Variants in EHMT2 observed in about 807,000 individuals in gnomAD.
The protein encoded by EHMT2 is euchromatic histone lysine methyltransferase 2, also known as histone-lysine N-methyltransferase EHMT2.
EHMT2 carries 59 observed loss-of-function variants against 143.3 expected under a neutral mutation model. The ratio of observed to expected loss-of-function variants is 0.41; its 90% confidence interval spans 0.33 to 0.51. EHMT2 has a LOEUF of 0.51. Ranked by LOEUF, EHMT2 falls within the 20% of genes least tolerant of loss-of-function variation. The probability of loss-of-function intolerance (pLI) is 0.18; values close to 1 mark genes in which losing one functional copy is unlikely to be tolerated. For missense variants in EHMT2, 1,174 were observed against 1,645.9 expected (o/e 0.71, Z 4.96); for synonymous variants, 604 against 651.5 (o/e 0.93, Z 1.11).
At chr6:31,886,672 C>T (rs1317405830) in exon 18 of EHMT2, 1 of 1,613,972 alleles carries the variant, frequency 6.2e-7, no homozygotes, top group South Asian at 1.1e-5. Flanking sequence ...GCAGGTGGAA[C>T]CGTCCTCCTC....
At position 31,880,527 on chromosome 6, in the gene EHMT2, C is replaced by T; in HGVS notation, c.3452+146G>A. The T allele has an allele frequency of 1.0e-6, 1 of 967,654 alleles. No individual in the cohort carries two copies. The highest frequency in any genetic ancestry group is 1.5e-6 in the Non-Finnish European group (1 of 664,672). 59.9% of individuals were successfully genotyped at this position (967,654 alleles called of 1,614,324 possible). A position where few individuals can be genotyped will look rare whatever the true frequency, so the allele number is the denominator to read the frequency against. On this transcript the variant is annotated intron_variant, in intron 27 of 27. Transcript: ENST00000375537. This position sits in a 1 kb window ranked among gnomAD's most constrained non-coding sequence, Gnocchi z 6.6. ...AGGCACAGGACTGTTTCCCCAAGTC[C>T]TCCAGGAAATACTTATGTACACTGA...
intron 4 of EHMT2, chr6:31,893,339 G>A (rs1223248139): frequency 2.3e-6 from 1 of 444,374 alleles, no homozygotes; most frequent in Non-Finnish European, 4.5e-6. Context: ...CTTTTTTTAA[G>A]AGATAAGGTC....
At chr6:31,886,432 G>T in intron 18 of EHMT2, 149 bp downstream of exon 18, 1 of 635,504 alleles carries the variant, frequency 1.6e-6, no homozygotes, top group East Asian at 2.7e-5. Context: ...AAAGAATGAA[G>T]AGAAATACAA....
chr6:31,884,866 G>A lies in EHMT2; in HGVS notation c.2448+46C>T, dbSNP rs1290835430. The A allele has an allele frequency of 1.9e-6, 3 of 1,584,138 alleles. No individual in the cohort carries two copies. The African/African-American group carries it at 4.0e-5, about 21-fold the overall frequency. Reference sequence around the variant, plus strand: ...GGCCCTTGAATCCAGCCTCCACCTTGCTCAGGGGCCTGGGGCTGCCCTACC... The same window carrying A: ...GGCCCTTGAATCCAGCCTCCACCTTACTCAGGGGCCTGGGGCTGCCCTACC... On this transcript the variant is annotated intron_variant, in intron 19 of 27. Coordinates refer to ENST00000375537, the Ensembl canonical transcript of EHMT2. This position sits in a 1 kb window ranked among gnomAD's most constrained non-coding sequence, Gnocchi z 7.3.
rs749552988 is a variant in EHMT2 at position 31,888,043 on chromosome 6, G to A, written c.1743C>T (p.Pro581=). ...GTACAGAAGGGGGAGGCCAGTACCT[G>A]GGCTGAGAAGTGTCTGCTCTCCCGG... Residue 581 remains proline, a splice_region_variant and synonymous_variant, in exon 13 of 28, where the codon CCC becomes CCT. Coordinates refer to ENST00000375537, the Ensembl canonical transcript of EHMT2. The surrounding 1 kb of genome is among the most constrained non-coding windows in gnomAD (Gnocchi z 7.4). 1 of 1,580,492 alleles carries A rather than the reference G, an allele frequency of 6.3e-7. No homozygotes were observed. The highest frequency in any genetic ancestry group is 8.6e-7 in the Non-Finnish European group (1 of 1,163,890).
At position 31,880,533 on chromosome 6, in the gene EHMT2, G is replaced by A. The variant is rs1358770858; in HGVS notation, c.3452+140C>T. ...AGGACTGTTTCCCCAAGTCCTCCAG[G>A]AAATACTTATGTACACTGAAATCTG... On this transcript the variant is annotated intron_variant, in intron 27 of 27. Coordinates refer to ENST00000375537, the Ensembl canonical transcript of EHMT2. This position sits in a 1 kb window ranked among gnomAD's most constrained non-coding sequence, Gnocchi z 6.6. 11 of 994,314 alleles carry A rather than the reference G, an allele frequency of 1.1e-5. No homozygotes were observed. The highest frequency in any genetic ancestry group is 1.6e-5 in the Non-Finnish European group (11 of 686,780). 61.6% of individuals were successfully genotyped at this position (994,314 alleles called of 1,614,324 possible).
chr6:31,892,620 T>A, intron 6 of EHMT2, 58 bp from the exon 7 acceptor site: 1 of 1,612,248 alleles, frequency 6.2e-7, no homozygotes. Flanking sequence ...CTACTGAGGA[T>A]GGGATGCAGC....
Position 31,894,553 on chromosome 6 carries a change from A to G in EHMT2, c.583-1643T>C, listed in dbSNP as rs191375257. ...CCGCCTCGGCCTCCAAAGTGCTGAG[A>G]TTACAGGCGTGAGCCACTGCGCCTG... On this transcript the variant is annotated intron_variant, in intron 4 of 27. Coordinates refer to ENST00000375537, the Ensembl canonical transcript of EHMT2. Among the ~76,000 whole-genome samples, 448 of 152,292 alleles carry G rather than the reference A, an allele frequency of 2.9e-3. 3 individuals are homozygous for G. The highest frequency in any genetic ancestry group is 0.01 in the African/African-American group (420 of 41,562).
intron 25 of EHMT2, 152 bp downstream of exon 25, chr6:31,882,547 T>C (rs1231088748): frequency 5.2e-6 from 4 of 764,050 alleles, no homozygotes; most frequent in Non-Finnish European, 8.8e-6. Flanking sequence ...GCTGCTCAGC[T>C]GCAGGAATAG....
exon 3 of EHMT2, chr6:31,896,668 A>G: frequency 2.5e-6 from 4 of 1,603,848 alleles, no homozygotes; most frequent in African/African-American, 1.3e-5. Context: ...TTCATCCCCA[A>G]TGAGTGGTGT....
chr6:31,887,532 C>T (rs1464930819), intron 15 of EHMT2, 45 bp downstream of exon 15: 2 of 1,569,138 alleles, frequency 1.3e-6, no homozygotes, highest in Middle Eastern at 1.7e-4. Flanking sequence ...CTGGTATATA[C>T]ATGAAGCTTG....
chr6:31,884,128 T>C lies in EHMT2; in HGVS notation c.2772-178A>G, dbSNP rs896930186. On this transcript the variant is annotated intron_variant, in intron 21 of 27. Transcript: ENST00000375537. The surrounding 1 kb of genome is among the most constrained non-coding windows in gnomAD (Gnocchi z 7.3). ...TTTAGATAAACAAGAAATAGCTTTT[T>C]AGTATGTCCCAAAAATTACACAGGA... 3 of 762,774 alleles carry C rather than the reference T, an allele frequency of 3.9e-6. No homozygotes were observed. Among genetic ancestry groups the C allele is most frequent in the Non-Finnish European group, 6.1e-6 (3 of 489,348 alleles). 47.3% of individuals were successfully genotyped at this position (762,774 alleles called of 1,614,324 possible).
chr6:31,881,192 G>T lies in EHMT2; in HGVS notation c.3198-100C>A. 9.7e-7 allele frequency: 1 copy of T among 1,026,652 alleles called. No homozygotes were observed. The highest frequency in any genetic ancestry group is 1.5e-6 in the Non-Finnish European group (1 of 657,702). The allele number at this position is 1,026,652 out of a possible 1,614,324, so 63.6% of individuals were successfully genotyped here. On this transcript the variant is annotated intron_variant, in intron 25 of 27. Coordinates refer to ENST00000375537, the Ensembl canonical transcript of EHMT2. The surrounding 1 kb of genome is among the most constrained non-coding windows in gnomAD (Gnocchi z 4.8). ...CACAAGCCTGTGGAATCTGGAATGG[G>T]CAGGGCTGGCAGGTGTGGGGAAGGG...
rs926741046 is a variant in EHMT2 at position 31,884,118 on chromosome 6, A to T, written c.2772-168T>A. 2 of 818,302 alleles carry T rather than the reference A, an allele frequency of 2.4e-6. No individual in the cohort carries two copies. Among genetic ancestry groups the T allele is most frequent in the African/African-American group, 3.5e-5 (2 of 57,792 alleles). The allele number at this position is 818,302 out of a possible 1,614,324, so 50.7% of individuals were successfully genotyped here. A position where few individuals can be genotyped will look rare whatever the true frequency, so the allele number is the denominator to read the frequency against. ...AACATAGAATTTTAGATAAACAAGA[A>T]ATAGCTTTTTAGTATGTCCCAAAAA... On this transcript the variant is annotated intron_variant, in intron 21 of 27. Transcript: ENST00000375537. This position sits in a 1 kb window ranked among gnomAD's most constrained non-coding sequence, Gnocchi z 7.3.
chr6:31,888,314 C>A lies in EHMT2; in HGVS notation c.1510-38G>T, dbSNP rs368474169. 12 of 1,611,230 alleles carry A rather than the reference C, an allele frequency of 7.4e-6. No individual in the cohort carries two copies. The highest frequency in any genetic ancestry group is 8.5e-6 in the Non-Finnish European group (10 of 1,178,922). ...AAACGACATGGTCAGGTTACTGGGG[C>A]CCCCTCTGCCACAGGGCATGCTACC... is the stretch of plus-strand genomic sequence containing the variant. On this transcript the variant is annotated intron_variant, in intron 12 of 27. Coordinates refer to ENST00000375537, the Ensembl canonical transcript of EHMT2. This position sits in a 1 kb window ranked among gnomAD's most constrained non-coding sequence, Gnocchi z 7.4.
rs1488623095 is a variant in EHMT2, at chr6:31,881,152, G to C, written c.3198-60C>G. 1 of 1,431,176 alleles carries C rather than the reference G, an allele frequency of 7.0e-7. No individual in the cohort carries two copies. The highest frequency in any genetic ancestry group is 1.4e-5 in the African/African-American group (1 of 71,298). The allele number at this position is 1,431,176 out of a possible 1,614,324, so 88.7% of individuals were successfully genotyped here. ...TGTGGGCTATTAGGAGGTGGCTCCA[G>C]GCCCCATCTCTCTTCACAAGCCTGT... On this transcript the variant is annotated intron_variant, in intron 25 of 27. Transcript: ENST00000375537. The surrounding 1 kb of genome is among the most constrained non-coding windows in gnomAD (Gnocchi z 4.8).
At position 31,889,520 on chromosome 6, in the gene EHMT2, T is replaced by A; in HGVS notation, c.947A>T (p.Glu316Val). 10 of 1,612,130 alleles carry A rather than the reference T, an allele frequency of 6.2e-6. No homozygotes were observed. Among genetic ancestry groups the A allele is most frequent in the Non-Finnish European group, 8.5e-6 (10 of 1,179,686 alleles). Residue 316 changes from glutamate (E) to valine (V), a missense_variant, in exon 8 of 28, where the codon GAG becomes GTG. Coordinates refer to ENST00000375537, the Ensembl canonical transcript of EHMT2. This position sits in a 1 kb window ranked among gnomAD's most constrained non-coding sequence, Gnocchi z 5.1. ...ATCTTCCTCTTCTTCTTCCTCTTCC[T>A]CCTCCTCTTCCTCTTCTTCTTCTTC...
Position 31,886,690 on chromosome 6 carries a change from A to T in EHMT2, c.2242-8T>A. On this transcript the variant is annotated splice_region_variant and splice_polypyrimidine_tract_variant and intron_variant, in intron 17 of 27. Transcript: ENST00000375537. The stretch of plus-strand genomic sequence containing the variant: ...GGTGGAACCGTCCTCCTCCTGAGGG[A>T]GACACGGGCAAATGAGCCTTTGGGC... The T allele has an allele frequency of 6.2e-7, 1 of 1,614,030 alleles. No homozygotes were observed. Among genetic ancestry groups the T allele is most frequent in the Non-Finnish European group, 8.5e-7 (1 of 1,179,978 alleles).
chr6:31,892,450 T>C, exon 7 of EHMT2: 1 of 1,612,972 alleles, frequency 6.2e-7, no homozygotes, highest in Non-Finnish European at 8.5e-7. Context: ...GTAGGAATCA[T>C]AGTAGAGACT....
Sources: allele counts gnomAD v4.1 joint callset (sites outside exome capture counted in the v4.1 genomes callset), GRCh38; gene constraint gnomAD v4.1.1; non-coding constraint Gnocchi (gnomAD v3.1); transcripts MANE v1.5; gene names NCBI Gene and HGNC (gene_info 2026-07-23, HGNC 2026-07-21).